DYNC1I1: variants seen among roughly 807,000 people sequenced by gnomAD.
DYNC1I1 encodes the protein dynein cytoplasmic 1 intermediate chain 1.
DYNC1I1 carries 43 observed loss-of-function variants against 86.6 expected under a neutral mutation model. The observed-to-expected ratio is 0.50, with a 90% CI of 0.39 to 0.64. DYNC1I1 has a LOEUF of 0.64. Ranked by LOEUF, DYNC1I1 falls within the 30% of genes least tolerant of loss-of-function variation. The pLI is 0.00. For synonymous variants in DYNC1I1, 262 were observed against 283.7 expected (o/e 0.92, Z 0.77); for missense variants, 604 against 788.8 (o/e 0.77, Z 2.81).
At chr7:95,778,688 G>T (rs1262360045) in intron 1 of DYNC1I1, among the ~76,000 whole-genome samples, 1 of 151,704 alleles carries the variant, frequency 6.6e-6, no homozygotes, top group Non-Finnish European at 1.5e-5. Flanking sequence ...TACAAACAGG[G>T]TCTTACTCTG....
At chr7:95,787,323 T>C (rs1305698407) in intron 1 of DYNC1I1, among the ~76,000 whole-genome samples, 1 of 152,078 alleles carries the variant, frequency 6.6e-6, no homozygotes, top group African/African-American at 2.4e-5. Flanking sequence ...TTAAGGATAA[T>C]CTTAAAGGCT....
At position 95,810,711 on chromosome 7, in the gene DYNC1I1, T is replaced by TAGTTTGGG. The variant is rs558895871; in HGVS notation, c.223+206_223+213dup. The stretch of plus-strand genomic sequence containing the variant: ...GGGAGGAAAGTTGTAGAATTGTCAG[T>TAGTTTGGG]AGTTTGGGGCTTACTGACTGATTAG... On this transcript the variant is annotated intron_variant, in intron 3 of 16. Transcript: ENST00000447467. Among the ~76,000 whole-genome samples the TAGTTTGGG allele has an allele frequency of 3.9e-4, 59 of 152,218 alleles. 2 individuals carry two copies. In the East Asian group the frequency reaches 0.011, roughly 29 times the overall value.
intron 2 of DYNC1I1, among the ~76,000 whole-genome samples, chr7:95,809,648 A>G (rs1466130939): frequency 6.6e-6 from 1 of 152,122 alleles, no homozygotes; most frequent in Non-Finnish European, 1.5e-5. Flanking sequence ...AAAAACACCA[A>G]CTGGGCATAG....
chr7:96,107,390 A>G (rs2116354767), intron 16 of DYNC1I1, among the ~76,000 whole-genome samples: 1 of 152,104 alleles, frequency 6.6e-6, no homozygotes, highest in Non-Finnish European at 1.5e-5. Context: ...AGGTTATTAT[A>G]TCTTTCTGAT....
At chr7:95,890,726 G>T (rs1320416579) in intron 6 of DYNC1I1, among the ~76,000 whole-genome samples, 1 of 152,180 alleles carries the variant, frequency 6.6e-6, no homozygotes, top group Non-Finnish European at 1.5e-5. Flanking sequence ...ATAAAAATTA[G>T]GTTGCTCAGC....
At chr7:96,080,054 A>AT (rs1790465810) in intron 15 of DYNC1I1, among the ~76,000 whole-genome samples, 1 of 152,048 alleles carries the variant, frequency 6.6e-6, no homozygotes, top group Non-Finnish European at 1.5e-5. Context: ...TAGCTCCTGT[A>AT]TTTTTTGTTG....
At chr7:95,961,296 G>T (rs1415904667) in intron 6 of DYNC1I1, among the ~76,000 whole-genome samples, 1 of 152,180 alleles carries the variant, frequency 6.6e-6, no homozygotes, top group Admixed American at 6.5e-5. Context: ...GGCTGTGCAA[G>T]TTTAGGGGCC....
chr7:96,092,553 A>G (rs1742180404), intron 16 of DYNC1I1, among the ~76,000 whole-genome samples: 1 of 152,022 alleles, frequency 6.6e-6, no homozygotes, highest in Admixed American at 6.6e-5. Flanking sequence ...AAATGTTATT[A>G]CTCCACAGTC....
chr7:95,776,519 GA>G (rs979831853), intron 1 of DYNC1I1, among the ~76,000 whole-genome samples: 4 of 152,116 alleles, frequency 2.6e-5, no homozygotes, highest in Non-Finnish European at 5.9e-5. Context: ...GTTTTCTAGG[GA>G]AAAAATGGGG....
intron 6 of DYNC1I1, among the ~76,000 whole-genome samples, chr7:95,925,475 C>T (rs1791719442): frequency 6.6e-6 from 1 of 152,166 alleles, no homozygotes; most frequent in Non-Finnish European, 1.5e-5. Context: ...ATCCTGTATG[C>T]AACTCTAAAT....
intron 16 of DYNC1I1, among the ~76,000 whole-genome samples, chr7:96,107,869 GTTT>G (rs1178550637): frequency 0.027 from 3,272 of 119,038 alleles, 136 homozygotes; most frequent in African/African-American, 0.097. Context: ...TCATTGACAG[GTTT>G]TTTTTTTTTT....
intron 15 of DYNC1I1, among the ~76,000 whole-genome samples, chr7:96,079,334 A>AT (rs1195583257): frequency 1.3e-5 from 2 of 151,766 alleles, no homozygotes; most frequent in Non-Finnish European, 1.5e-5. Flanking sequence ...TTTTCACTGT[A>AT]TTTTTTCTTT....
At chr7:96,076,424 T>A (rs1790342491) in intron 15 of DYNC1I1, among the ~76,000 whole-genome samples, 1 of 152,210 alleles carries the variant, frequency 6.6e-6, no homozygotes, top group Non-Finnish European at 1.5e-5. Context: ...TCTCGGACAA[T>A]TAACGACCCT....
chr7:95,971,462 G>A (rs1007921911), intron 6 of DYNC1I1, among the ~76,000 whole-genome samples: 1 of 152,100 alleles, frequency 6.6e-6, no homozygotes, highest in Non-Finnish European at 1.5e-5. Context: ...CAGGGCATTT[G>A]TTCTTAAGTT....
intron 10 of DYNC1I1, among the ~76,000 whole-genome samples, chr7:96,014,786 A>G (rs1794363161): frequency 6.6e-6 from 1 of 152,190 alleles, no homozygotes. Flanking sequence ...ATTCATTATA[A>G]TTTATCACAC....
intron 6 of DYNC1I1, among the ~76,000 whole-genome samples, chr7:95,950,197 A>G (rs1011450656): frequency 2.0e-5 from 3 of 152,244 alleles, no homozygotes; most frequent in Non-Finnish European, 4.4e-5. Context: ...CCTGAGAGAC[A>G]TATTTCTGCA....
chr7:96,030,330 TTGTGTGTGTGTGTGTGTGTGTGTGTGTG>T (rs200496803), intron 11 of DYNC1I1, among the ~76,000 whole-genome samples: 1 of 135,400 alleles, frequency 7.4e-6, no homozygotes, highest in Non-Finnish European at 1.6e-5. Context: ...AATGGTAGAG[TTGTGTGTGTGTGTGTGTGTGTGTGTGTG>T]TGTGTGTGTG....
chr7:96,090,235 TTTGTTGTTGTTGTTG>T (rs781614273), intron 16 of DYNC1I1, among the ~76,000 whole-genome samples: 66 of 151,990 alleles, frequency 4.3e-4, no homozygotes, highest in African/African-American at 1.4e-3. Context: ...TCTTCGGATA[TTTGTTGTTGTTGTTG>T]TTGTTGTTTT....
chr7:95,923,552 A>T (rs754396584), intron 6 of DYNC1I1, among the ~76,000 whole-genome samples: 6 of 152,122 alleles, frequency 3.9e-5, no homozygotes, highest in Non-Finnish European at 8.8e-5. Flanking sequence ...GTAAGGTACT[A>T]TCCACACGCA....
Sources: allele counts gnomAD v4.1 joint callset (sites outside exome capture counted in the v4.1 genomes callset), GRCh38; gene constraint gnomAD v4.1.1; transcripts MANE v1.5; gene names NCBI Gene and HGNC (gene_info 2026-07-23, HGNC 2026-07-21).